Variants in TMEM150B observed in about 807,000 individuals in gnomAD.
The protein encoded by TMEM150B is transmembrane protein 150B.
A neutral mutation model predicts 25.2 loss-of-function variants in TMEM150B; 33 were observed. That is an observed-to-expected ratio of 1.31 (90% CI 0.99 to 1.75). The LOEUF is 1.75. Ranked by LOEUF, TMEM150B falls within the 40% of genes most tolerant of loss-of-function variation. The pLI is 0.00. For synonymous variants in TMEM150B, 133 were observed against 134.8 expected (o/e 0.99, Z 0.09); for missense variants, 322 against 306.1 (o/e 1.05, Z -0.39).
At chr19:55,320,681 C>G in intron 3 of TMEM150B, 64 bp from the exon 4 acceptor site, 1 of 1,594,246 alleles carries the variant, frequency 6.3e-7, no homozygotes, top group Middle Eastern at 1.7e-4. Context: ...GTTAACCAAA[C>G]AAACAAGGAC....
intron 6 of TMEM150B, among the ~76,000 whole-genome samples, chr19:55,318,961 C>T (rs1019141471): frequency 6.6e-6 from 1 of 152,036 alleles, no homozygotes; most frequent in Non-Finnish European, 1.5e-5. Context: ...GTTCACGCCA[C>T]CATGCCTGGC....
At chr19:55,319,705 C>A in intron 6 of TMEM150B, 1 of 1,074,004 alleles carries the variant, frequency 9.3e-7, no homozygotes, top group Non-Finnish European at 1.1e-6. Context: ...CTGCCTCCGC[C>A]TCCCAAAGTG....
At chr19:55,313,812 C>T (rs1247867587) in intron 7 of TMEM150B, among the ~76,000 whole-genome samples, 1 of 151,998 alleles carries the variant, frequency 6.6e-6, no homozygotes, top group Non-Finnish European at 1.5e-5. Context: ...AGACTCCAGG[C>T]CTAGTAGAGA....
downstream of TMEM150B, among the ~76,000 whole-genome samples, chr19:55,310,582 AT>A (rs35931424): frequency 9.9e-4 from 150 of 152,002 alleles, 1 homozygote; most frequent in African/African-American, 3.4e-3. The surrounding 1 kb of genome is among the most constrained non-coding windows in gnomAD (Gnocchi z 5.0). Context: ...GTCTGGAGAC[AT>A]TTTTCCTCCC....
chr19:55,317,590 G>A (rs1265216722), intron 6 of TMEM150B, among the ~76,000 whole-genome samples: 1 of 152,120 alleles, frequency 6.6e-6, no homozygotes, highest in African/African-American at 2.4e-5. Context: ...GACCAGCCTG[G>A]CCAACATGGT....
intron 1 of TMEM150B, chr19:55,324,792 G>T (rs770115897): frequency 3.0e-6 from 3 of 985,366 alleles, no homozygotes; most frequent in Non-Finnish European, 2.4e-6. Flanking sequence ...TCCTCCTTTC[G>T]CTTCTTTTTC....
At chr19:55,316,004 AG>A (rs1463450144) in intron 7 of TMEM150B, among the ~76,000 whole-genome samples, 1 of 128,434 alleles carries the variant, frequency 7.8e-6, no homozygotes, top group Non-Finnish European at 1.7e-5. Context: ...GAGGCCTCAG[AG>A]AGTGACCTGA....
chr19:55,312,592 G>C, downstream of TMEM150B: 1 of 381,880 alleles, frequency 2.6e-6, no homozygotes. Flanking sequence ...CTTGATCAGG[G>C]ACAGCTGGCT....
rs1476915058 is a variant in TMEM150B, at chr19:55,325,315, C to T, written c.-197G>A. ...GTGTCTGGAGCCTGAAGGATCCTTC[C>T]AGAAGCTAGGGCTGCTGGCCTGGCT... On this transcript the variant is annotated 5_prime_UTR_variant, in exon 1 of 8. Coordinates refer to ENST00000326652, the MANE Select transcript of TMEM150B (RefSeq NM_001282011.2). The T allele has an allele frequency of 1.0e-6, 1 of 985,272 alleles. No homozygotes were observed. Among genetic ancestry groups the T allele is most frequent in the African/African-American group, 1.7e-5 (1 of 57,228 alleles). 61.0% of individuals were successfully genotyped at this position (985,272 alleles called of 1,614,324 possible). A position where few individuals can be genotyped will look rare whatever the true frequency, so the allele number is the denominator to read the frequency against.
downstream of TMEM150B, among the ~76,000 whole-genome samples, chr19:55,310,405 T>C (rs1339697681): frequency 6.6e-6 from 1 of 152,092 alleles, no homozygotes; most frequent in Non-Finnish European, 1.5e-5. This position sits in a 1 kb window ranked among gnomAD's most constrained non-coding sequence, Gnocchi z 5.0. Flanking sequence ...CCTGCACAGA[T>C]ACTCCAAGAT....
Position 55,314,374 on chromosome 19 carries a change from TC to T in TMEM150B, c.506-1320del, listed in dbSNP as rs369690986. Among the ~76,000 whole-genome samples the T allele has an allele frequency of 6.9e-3, 1,057 of 152,138 alleles. 9 individuals carry two copies. Among genetic ancestry groups the T allele is most frequent in the African/African-American group, 0.024 (1,005 of 41,498 alleles). Reference sequence around the variant, plus strand: ...CCCAGGCAGAAACCCAAGCCTCTGATCCCTAATTTTAGAGAATCCTCAGCCC... The same window carrying T: ...CCCAGGCAGAAACCCAAGCCTCTGATCCTAATTTTAGAGAATCCTCAGCCC... On this transcript the variant is annotated intron_variant, in intron 7 of 7. Transcript: ENST00000326652.
intron 3 of TMEM150B, 85 bp from the exon 4 acceptor site, chr19:55,320,702 C>T: frequency 1.3e-6 from 2 of 1,528,742 alleles, no homozygotes; most frequent in Non-Finnish European, 1.8e-6. Flanking sequence ...TTCTAGCCCC[C>T]TCCACCCTCA....
intron 2 of TMEM150B, among the ~76,000 whole-genome samples, chr19:55,321,554 A>G (rs1332524656): frequency 6.6e-6 from 1 of 152,038 alleles, no homozygotes; most frequent in East Asian, 1.9e-4. Context: ...CTCTACCTCC[A>G]AACCGCCATG....
chr19:55,319,430 C>CTTTTTTTTTTTTTTTTTTTTT (rs1453085176), intron 6 of TMEM150B: 1 of 89,028 alleles, frequency 1.1e-5, no homozygotes, highest in Non-Finnish European at 2.2e-5. Flanking sequence ...TCATCTTCTT[C>CTTTTTTTTTTTTTTTTTTTTT]TTCTTTTTTT....
chr19:55,312,699 C>T, downstream of TMEM150B: 2 of 821,970 alleles, frequency 2.4e-6, no homozygotes, highest in Non-Finnish European at 3.7e-6. Context: ...CAGAGGCCCT[C>T]CGCGCCGGCA....
chr19:55,311,815 G>A (rs980983346), downstream of TMEM150B: 39 of 1,339,394 alleles, frequency 2.9e-5, no homozygotes, highest in Non-Finnish European at 3.6e-5. Context: ...GGGTTACTGA[G>A]ACCGACTGAT....
At chr19:55,319,170 G>GCA (rs1206455474) in intron 6 of TMEM150B, among the ~76,000 whole-genome samples, 1 of 152,126 alleles carries the variant, frequency 6.6e-6, no homozygotes, top group Non-Finnish European at 1.5e-5. Context: ...GGAGTGCAAT[G>GCA]GCATGGTCTC....
At chr19:55,310,585 T>C (rs946945039), downstream of TMEM150B, among the ~76,000 whole-genome samples, 6 of 151,356 alleles carry the variant, frequency 4.0e-5, no homozygotes, top group African/African-American at 1.2e-4. This position sits in a 1 kb window ranked among gnomAD's most constrained non-coding sequence, Gnocchi z 5.0. Flanking sequence ...TGGAGACATT[T>C]TTCCTCCCCT....
intron 6 of TMEM150B, chr19:55,319,772 G>A (rs2089139665): frequency 6.2e-6 from 8 of 1,288,450 alleles, no homozygotes; most frequent in Non-Finnish European, 7.9e-6. Context: ...CATTAAATAA[G>A]CTGGGGAGAG....
Sources: allele counts gnomAD v4.1 joint callset (sites outside exome capture counted in the v4.1 genomes callset), GRCh38; gene constraint gnomAD v4.1.1; non-coding constraint Gnocchi (gnomAD v3.1); transcripts MANE v1.5; gene names NCBI Gene and HGNC (gene_info 2026-07-23, HGNC 2026-07-21).